Variants in TRMT11 observed in about 807,000 individuals in gnomAD.
TRMT11 encodes the protein tRNA (guanine(10)-N(2))-methyltransferase TRMT11.
Under a neutral mutation model 62.8 loss-of-function variants are expected in TRMT11, and 53 were observed. That is an observed-to-expected ratio of 0.84 (90% CI 0.68 to 1.06). TRMT11 has a LOEUF of 1.06. TRMT11 is among the 50% of genes least tolerant of loss of function. TRMT11 has a pLI of 0.00. For synonymous variants in TRMT11, 188 were observed against 190.3 expected, an observed-to-expected ratio of 0.99 and a Z score of 0.10; for missense variants, 556 against 553.4, an observed-to-expected ratio of 1.00 and a Z score of -0.05.
At chr6:126,232,548 T>C in the TRMT11 span, among the ~76,000 whole-genome samples, 3 of 152,128 alleles carry the variant, frequency 2.0e-5, no homozygotes, top group Non-Finnish European at 4.4e-5. Flanking sequence ...AAATGACTGC[T>C]TGGGCAGGGG....
the TRMT11 span, among the ~76,000 whole-genome samples, chr6:126,216,993 C>T: frequency 6.6e-6 from 1 of 152,302 alleles, no homozygotes; most frequent in East Asian, 1.9e-4. Flanking sequence ...TACTAATTCT[C>T]ACTTCTGCTT....
At chr6:126,024,506 C>T (rs1354759723) in intron 12 of TRMT11, among the ~76,000 whole-genome samples, 1 of 152,352 alleles carries the variant, frequency 6.6e-6, no homozygotes, top group African/African-American at 2.4e-5. Context: ...CTCCTGGGCT[C>T]AAGCCATCCT....
At chr6:126,111,205 T>G (rs1777527576) in intron 17 of TRMT11, among the ~76,000 whole-genome samples, 1 of 152,096 alleles carries the variant, frequency 6.6e-6, no homozygotes. Flanking sequence ...AATAACAAGC[T>G]GTCTTCTCTG....
rs116152836 is a variant in TRMT11 at position 126,136,141 on chromosome 6, A to G, written c.*1823+20286A>G. Among the ~76,000 whole-genome samples, 1,097 of 151,926 alleles carry G rather than the reference A, an allele frequency of 7.2e-3. 11 individuals are homozygous for G. The highest frequency in any genetic ancestry group is 0.025 in the African/African-American group (1,047 of 41,536). ...AGTACTGGGAATCCTAGCCAAAGCA[A>G]TTAGGCAAGAGAAAGAAATAAAGGA... On this transcript the variant is annotated intron_variant and NMD_transcript_variant, in intron 21 of 22. Transcript: ENST00000648977.
chr6:126,186,393 C>T (rs967392905), intron 1 of TRMT11, among the ~76,000 whole-genome samples: 3 of 151,950 alleles, frequency 2.0e-5, no homozygotes, highest in South Asian at 2.1e-4. Context: ...AATTCAACTT[C>T]GAAACAACCA....
chr6:126,096,902 A>T (rs1210337874), intron 17 of TRMT11, among the ~76,000 whole-genome samples: 3 of 152,222 alleles, frequency 2.0e-5, no homozygotes, highest in African/African-American at 7.2e-5. Context: ...ATTATAACAG[A>T]AATGAGAAGG....
chr6:126,066,935 A>G (rs901940625), intron 17 of TRMT11, among the ~76,000 whole-genome samples: 1 of 152,084 alleles, frequency 6.6e-6, no homozygotes, highest in Non-Finnish European at 1.5e-5. Context: ...AAAAAAAAAA[A>G]AAATAAGGGC....
At chr6:126,062,896 T>C (rs1776578080) in intron 17 of TRMT11, among the ~76,000 whole-genome samples, 2 of 152,252 alleles carry the variant, frequency 1.3e-5, no homozygotes, top group African/African-American at 4.8e-5. Context: ...GCTCCTATCC[T>C]ATTTTCAAAA....
chr6:126,103,887 A>G (rs1777432466), intron 17 of TRMT11, among the ~76,000 whole-genome samples: 1 of 152,206 alleles, frequency 6.6e-6, no homozygotes. Context: ...AGCAAGTCAC[A>G]AGTCTTACCT....
chr6:126,125,135 G>A (rs188382834), intron 21 of TRMT11, among the ~76,000 whole-genome samples: 11 of 152,168 alleles, frequency 7.2e-5, no homozygotes, highest in East Asian at 5.8e-4. Context: ...CTCTGCAGGC[G>A]CCAGGTTTTG....
the TRMT11 span, among the ~76,000 whole-genome samples, chr6:126,223,399 C>G: frequency 6.6e-6 from 1 of 151,714 alleles, no homozygotes; most frequent in Non-Finnish European, 1.5e-5. Context: ...CCAGCCTGGG[C>G]AACAGAGCAA....
chr6:126,000,334 T>C (rs1341749316), intron 7 of TRMT11, among the ~76,000 whole-genome samples: 3 of 152,140 alleles, frequency 2.0e-5, no homozygotes, highest in Non-Finnish European at 2.9e-5. Context: ...CATTTTGTGG[T>C]TGGAGCCTGT....
the TRMT11 span, among the ~76,000 whole-genome samples, chr6:126,255,914 C>A: frequency 6.6e-6 from 1 of 152,128 alleles, no homozygotes; most frequent in East Asian, 1.9e-4. Flanking sequence ...AACTTAGAGG[C>A]TAAAAGAACT....
chr6:126,093,631 A>ATATATATATATATATATATT (rs1554236842), intron 17 of TRMT11, among the ~76,000 whole-genome samples: 2 of 98,014 alleles, frequency 2.0e-5, no homozygotes, highest in African/African-American at 8.7e-5. Context: ...ATATATATAT[A>ATATATATATATATATATATT]TTTTCCCCCA....
chr6:126,137,679 G>A (rs368439462), intron 21 of TRMT11, among the ~76,000 whole-genome samples: 17 of 151,872 alleles, frequency 1.1e-4, no homozygotes, highest in African/African-American at 3.9e-4. Flanking sequence ...CACGTTTATT[G>A]CAGTAGTATT....
the TRMT11 span, among the ~76,000 whole-genome samples, chr6:126,258,686 T>A: frequency 1.3e-5 from 2 of 152,244 alleles, no homozygotes; most frequent in African/African-American, 4.8e-5. Context: ...AATAATTCCT[T>A]ATGTGTCTTT....
At chr6:126,073,812 A>G (rs1264112808) in intron 17 of TRMT11, among the ~76,000 whole-genome samples, 1 of 152,172 alleles carries the variant, frequency 6.6e-6, no homozygotes, top group Non-Finnish European at 1.5e-5. Context: ...TGGGTAATTT[A>G]TAAAGGAAAT....
At chr6:126,039,431 T>C (rs1330470708), downstream of TRMT11, among the ~76,000 whole-genome samples, 1 of 152,076 alleles carries the variant, frequency 6.6e-6, no homozygotes, top group Non-Finnish European at 1.5e-5. Context: ...CCTTAAGGCC[T>C]GTCTACATTT....
the TRMT11 span, among the ~76,000 whole-genome samples, chr6:126,247,475 A>ATCTATCTATCTATCTATCTATCTGTCTG: frequency 3.1e-4 from 46 of 147,614 alleles, no homozygotes; most frequent in African/African-American, 1.1e-3. Context: ...CTATCTATCT[A>ATCTATCTATCTATCTATCTATCTGTCTG]TCTATCTATC....
Sources: gnomAD v4.1 joint callset for allele counts (sites outside exome capture counted in the v4.1 genomes callset) on GRCh38, gnomAD v4.1.1 for gene constraint, MANE v1.5 for transcripts, NCBI Gene and HGNC (gene_info 2026-07-23, HGNC 2026-07-21) for gene names.